DOCK2: variants seen among roughly 807,000 people sequenced by gnomAD.
DOCK2 encodes dedicator of cytokinesis protein 2.
A neutral mutation model predicts 248.9 loss-of-function variants in DOCK2; 87 were observed. The observed-to-expected ratio is 0.35, with a 90% CI of 0.29 to 0.42. The LOEUF (loss-of-function observed/expected upper bound fraction) is 0.42. DOCK2 is among the 10% of genes least tolerant of loss of function. DOCK2 has a pLI of 1.00. For synonymous variants in DOCK2, 805 were observed against 821.6 expected, an observed-to-expected ratio of 0.98 and a Z score of 0.35; for missense variants, 1,747 against 2,300.2, an observed-to-expected ratio of 0.76 and a Z score of 4.92.
chr5:170,056,061 G>A (rs1016819876), intron 42 of DOCK2, among the ~76,000 whole-genome samples: 1 of 152,198 alleles, frequency 6.6e-6, no homozygotes, highest in Non-Finnish European at 1.5e-5. Flanking sequence ...GGGACAGTCA[G>A]AAACAGGATC....
intron 27 of DOCK2, among the ~76,000 whole-genome samples, chr5:169,893,564 C>T (rs978824721): frequency 3.3e-5 from 5 of 151,154 alleles, no homozygotes; most frequent in African/African-American, 1.2e-4. Flanking sequence ...GGGGAGCTGC[C>T]TGCTCAAACA....
At chr5:169,923,142 T>C (rs1775265422) in intron 27 of DOCK2, among the ~76,000 whole-genome samples, 1 of 152,170 alleles carries the variant, frequency 6.6e-6, no homozygotes, top group Admixed American at 6.5e-5. Context: ...GCTCCTCACC[T>C]CTGTGCTGGG....
In DOCK2 at chr5:169,763,850, C is replaced by T. The variant is rs1018602105; in HGVS notation, c.2554+2225C>T. ...AGGCAAAGTGTAATTAGTGTAGCCACGCTCGGCTCACATGTGAAAGTCGTA... is the reference window on the plus strand; with the variant it reads ...AGGCAAAGTGTAATTAGTGTAGCCATGCTCGGCTCACATGTGAAAGTCGTA... On this transcript the variant is annotated intron_variant, in intron 25 of 51. Coordinates refer to ENST00000520908, the MANE Select transcript of DOCK2 (RefSeq NM_004946.3). The surrounding 1 kb of genome is among the most constrained non-coding windows in gnomAD (Gnocchi z 4.1). 8.5e-5 allele frequency among the ~76,000 whole-genome samples: 13 copies of T among 152,208 alleles called. No homozygotes were observed. The highest frequency in any genetic ancestry group is 2.7e-4 in the African/African-American group (11 of 41,456).
chr5:169,669,787 G>A (rs184115912), intron 3 of DOCK2, among the ~76,000 whole-genome samples: 1 of 152,234 alleles, frequency 6.6e-6, no homozygotes, highest in East Asian at 1.9e-4. Context: ...ATGAGAGCAG[G>A]CGCTTGCTTT....
intron 2 of DOCK2, among the ~76,000 whole-genome samples, chr5:169,657,171 T>C (rs1477135883): frequency 6.6e-6 from 1 of 152,204 alleles, no homozygotes; most frequent in African/African-American, 2.4e-5. Context: ...AGTTTTCAAA[T>C]AGGGGATCCA....
At chr5:170,030,524 C>T (rs973766260) in intron 34 of DOCK2, among the ~76,000 whole-genome samples, 8 of 152,182 alleles carry the variant, frequency 5.3e-5, no homozygotes, top group Admixed American at 6.5e-5. Flanking sequence ...ATGCTTGGGA[C>T]GAGAAGTAGT....
chr5:169,769,874 A>G (rs1764991536), intron 25 of DOCK2, among the ~76,000 whole-genome samples: 1 of 152,196 alleles, frequency 6.6e-6, no homozygotes, highest in Non-Finnish European at 1.5e-5. Flanking sequence ...GACTGTCTAT[A>G]CTGATGGAAT....
chr5:170,058,261 T>A (rs1350892556), intron 44 of DOCK2, among the ~76,000 whole-genome samples: 1 of 152,184 alleles, frequency 6.6e-6, no homozygotes, highest in Non-Finnish European at 1.5e-5. Flanking sequence ...TAAATGGACA[T>A]ATTTAGGATG....
intron 37 of DOCK2, among the ~76,000 whole-genome samples, chr5:170,041,370 C>A (rs1471671024): frequency 6.6e-6 from 1 of 152,174 alleles, no homozygotes; most frequent in Non-Finnish European, 1.5e-5. Context: ...CTTCGAGATA[C>A]ATTTTGCAGC....
At chr5:169,863,810 T>C (rs1022031369) in intron 27 of DOCK2, among the ~76,000 whole-genome samples, 3 of 152,190 alleles carry the variant, frequency 2.0e-5, no homozygotes, top group Non-Finnish European at 4.4e-5. Context: ...AACTGCCAGT[T>C]TATCTCATTT....
chr5:169,649,812 CT>C (rs367853396), intron 1 of DOCK2, among the ~76,000 whole-genome samples: 9,549 of 146,012 alleles, frequency 0.065, 329 homozygotes, highest in South Asian at 0.11. Flanking sequence ...TTTTTTCTTT[CT>C]TTTTTTTTTT....
Position 169,957,180 on chromosome 5 carries a change from T to C in DOCK2, c.2800-25888T>C, listed in dbSNP as rs549793679. On this transcript the variant is annotated intron_variant, in intron 27 of 51. Transcript: ENST00000520908. ...TCATTGCCTGGTATGGAATGGGTAC[T>C]CAATAAATAATGGTGAATAAATGAA... 3.3e-5 allele frequency among the ~76,000 whole-genome samples: 5 copies of C among 152,340 alleles called. No individual in the cohort carries two copies. In the South Asian group the frequency reaches 1.0e-3, roughly 32 times the overall value.
intron 26 of DOCK2, among the ~76,000 whole-genome samples, chr5:169,829,587 G>A (rs1050234775): frequency 3.3e-5 from 5 of 152,206 alleles, no homozygotes; most frequent in African/African-American, 1.2e-4. Context: ...TTAGGACCGT[G>A]TAGGTACAGA....
At chr5:170,058,312 A>T (rs1757209355) in intron 44 of DOCK2, among the ~76,000 whole-genome samples, 2 of 152,126 alleles carry the variant, frequency 1.3e-5, no homozygotes, top group South Asian at 4.1e-4. Context: ...AAAATACTTA[A>T]TGTGTACCTA....
At chr5:169,972,945 G>T (rs1777577370) in intron 27 of DOCK2, among the ~76,000 whole-genome samples, 1 of 152,148 alleles carries the variant, frequency 6.6e-6, no homozygotes, top group Non-Finnish European at 1.5e-5. Context: ...TAGTACCTGA[G>T]TGTGCTGTGA....
chr5:169,819,584 G>T (rs904457983), intron 26 of DOCK2, among the ~76,000 whole-genome samples: 1 of 152,192 alleles, frequency 6.6e-6, no homozygotes. Context: ...TCACACCACT[G>T]CACTCCAGCC....
chr5:169,716,029 T>C (rs529901064), intron 19 of DOCK2, among the ~76,000 whole-genome samples, 184 bp from the exon 20 acceptor site: 2 of 152,376 alleles, frequency 1.3e-5, no homozygotes, highest in South Asian at 4.1e-4. Context: ...CATTCTGCTG[T>C]TGATGGGCAG....
At chr5:170,081,815 C>G (rs1189884533) in intron 50 of DOCK2, 27 bp from the exon 51 acceptor site, 10 of 1,519,610 alleles carry the variant, frequency 6.6e-6, no homozygotes, top group Non-Finnish European at 8.0e-6. Context: ...CCCACCCATT[C>G]ACACCCCAGC....
chr5:169,931,913 TATC>T (rs917295315), intron 27 of DOCK2, among the ~76,000 whole-genome samples: 9 of 152,162 alleles, frequency 5.9e-5, no homozygotes, highest in South Asian at 4.1e-4. Context: ...TCAGGGAAAA[TATC>T]ATGCATTCAT....
Sources: allele counts gnomAD v4.1 joint callset (sites outside exome capture counted in the v4.1 genomes callset), GRCh38; gene constraint gnomAD v4.1.1; non-coding constraint Gnocchi (gnomAD v3.1); transcripts MANE v1.5; gene names NCBI Gene and HGNC (gene_info 2026-07-23, HGNC 2026-07-21).